Variants in PLPPR1 observed in about 807,000 individuals in gnomAD.
The protein encoded by PLPPR1 is phospholipid phosphatase-related protein type 1.
A neutral mutation model predicts 33.1 loss-of-function variants in PLPPR1; 10 were observed. That is an observed-to-expected ratio of 0.30 (90% CI 0.19 to 0.51). PLPPR1 has a LOEUF of 0.51. Ranked by LOEUF, PLPPR1 falls within the 20% of genes least tolerant of loss-of-function variation. The probability of loss-of-function intolerance (pLI) is 0.97; values close to 1 mark genes in which losing one functional copy is unlikely to be tolerated. For synonymous variants in PLPPR1, 151 were observed against 151.0 expected, an observed-to-expected ratio of 1.00 and a Z score of 0.00; for missense variants, 304 against 408.1, an observed-to-expected ratio of 0.74 and a Z score of 2.20.
At chr9:101,228,936 C>A (rs975950291) in intron 2 of PLPPR1, among the ~76,000 whole-genome samples, 1 of 82,930 alleles carries the variant, frequency 1.2e-5, no homozygotes, top group Admixed American at 1.2e-4. Context: ...TCCCCCCTCC[C>A]ACCCACCCTC....
chr9:101,057,400 G>A (rs79146880), intron 1 of PLPPR1, among the ~76,000 whole-genome samples: 1 of 152,022 alleles, frequency 6.6e-6, no homozygotes, highest in South Asian at 2.1e-4. Context: ...CAGAAAAGTG[G>A]ATTATTTCTC....
chr9:101,063,331 T>G (rs1033398240), intron 1 of PLPPR1, among the ~76,000 whole-genome samples: 1 of 152,044 alleles, frequency 6.6e-6, no homozygotes, highest in African/African-American at 2.4e-5. Context: ...CATCCTCACA[T>G]GTAGTTTCAC....
chr9:101,311,119 GCTGTGTGAAA>G (rs1421347425), intron 5 of PLPPR1, among the ~76,000 whole-genome samples: 1 of 152,084 alleles, frequency 6.6e-6, no homozygotes, highest in African/African-American at 2.4e-5. Context: ...TCAAGTCATT[GCTGTGTGAAA>G]TTAATTTTTA....
chr9:101,149,340 A>G (rs2118646827), intron 1 of PLPPR1, among the ~76,000 whole-genome samples: 1 of 152,320 alleles, frequency 6.6e-6, no homozygotes, highest in East Asian at 1.9e-4. Flanking sequence ...TCAGTCTTTA[A>G]AAATCCCTAA....
At chr9:101,312,751 G>C in intron 5 of PLPPR1, 47 bp from the exon 6 acceptor site, 1 of 1,552,520 alleles carries the variant, frequency 6.4e-7, no homozygotes, top group South Asian at 1.1e-5. Context: ...TGTACTCATA[G>C]CACAAGGCAG....
chr9:101,048,023 C>T (rs1830174838), intron 1 of PLPPR1, among the ~76,000 whole-genome samples: 1 of 152,130 alleles, frequency 6.6e-6, no homozygotes, highest in Admixed American at 6.5e-5. Context: ...GGACCCCAGC[C>T]TAGTATATAG....
intron 4 of PLPPR1, among the ~76,000 whole-genome samples, chr9:101,290,827 G>A (rs1284360547): frequency 1.3e-5 from 2 of 152,220 alleles, no homozygotes; most frequent in African/African-American, 2.4e-5. Context: ...AATAGGAACA[G>A]CTCCAGTCTA....
At chr9:101,254,168 T>C (rs1414123921) in intron 2 of PLPPR1, among the ~76,000 whole-genome samples, 1 of 151,574 alleles carries the variant, frequency 6.6e-6, no homozygotes, top group Non-Finnish European at 1.5e-5. Flanking sequence ...TTTATTTCTA[T>C]TATTATTAAA....
At chr9:101,228,053 A>G (rs1827107353) in intron 2 of PLPPR1, among the ~76,000 whole-genome samples, 1 of 152,226 alleles carries the variant, frequency 6.6e-6, no homozygotes, top group Admixed American at 6.5e-5. Context: ...TGCTGGGATT[A>G]CAGACACAAA....
At chr9:101,290,931 G>A (rs1564028256) in intron 4 of PLPPR1, among the ~76,000 whole-genome samples, 1 of 152,234 alleles carries the variant, frequency 6.6e-6, no homozygotes, top group Non-Finnish European at 1.5e-5. Flanking sequence ...CAGACAGTGG[G>A]CGCAGGACAG....
chr9:101,268,758 T>C (rs1009853837), intron 2 of PLPPR1, among the ~76,000 whole-genome samples: 2 of 152,222 alleles, frequency 1.3e-5, no homozygotes, highest in African/African-American at 4.8e-5. Context: ...GCCATAGATA[T>C]CTAAAGATGT....
chr9:101,177,808 T>G (rs1214948714), intron 1 of PLPPR1, among the ~76,000 whole-genome samples: 3 of 152,246 alleles, frequency 2.0e-5, no homozygotes, highest in African/African-American at 7.2e-5. Context: ...TATTAAGTTG[T>G]TAGTCTTTTC....
intron 2 of PLPPR1, among the ~76,000 whole-genome samples, chr9:101,224,160 T>C (rs896881809): frequency 3.0e-4 from 46 of 152,060 alleles, no homozygotes; most frequent in Admixed American, 5.9e-4. Context: ...CAATTGGCAA[T>C]GTAAGAAGCT....
chr9:101,090,867 TTC>T (rs1449592335), intron 1 of PLPPR1, among the ~76,000 whole-genome samples: 30 of 152,148 alleles, frequency 2.0e-4, no homozygotes, highest in Non-Finnish European at 3.5e-4. Context: ...CCTTTTCAAC[TTC>T]ATGTGCTTCT....
intron 2 of PLPPR1, among the ~76,000 whole-genome samples, chr9:101,252,223 A>C (rs1205915651): frequency 6.6e-6 from 1 of 152,178 alleles, no homozygotes; most frequent in East Asian, 1.9e-4. Flanking sequence ...AGAGCCACCT[A>C]TAGCTAGTGC....
At chr9:101,169,561 C>T (rs1564164413) in intron 1 of PLPPR1, among the ~76,000 whole-genome samples, 1 of 152,062 alleles carries the variant, frequency 6.6e-6, no homozygotes, top group Non-Finnish European at 1.5e-5. Context: ...TTCAGGTCAC[C>T]TGCTGAGTTT....
rs181684653 is a variant in PLPPR1 at position 101,150,299 on chromosome 9, A to T, written c.-45-35151A>T. ...TTTTCTGTTAAATGATCTTAATCCA[A>T]TTTTTCTTCTTTTCTTCTTTATTGG... On this transcript the variant is annotated intron_variant, in intron 1 of 7. Transcript: ENST00000374874. 1.6e-3 allele frequency among the ~76,000 whole-genome samples: 241 copies of T among 151,868 alleles called. 5 individuals are homozygous for T. The East Asian group carries it at 0.041, about 26-fold the overall frequency.
chr9:101,161,221 A>G (rs57733918), intron 1 of PLPPR1, among the ~76,000 whole-genome samples: 353 of 152,256 alleles, frequency 2.3e-3, no homozygotes, highest in African/African-American at 8.1e-3. Context: ...GGCTCAATAT[A>G]TAGTAGTTAT....
chr9:101,161,450 A>G (rs1030813050), intron 1 of PLPPR1, among the ~76,000 whole-genome samples: 2 of 152,152 alleles, frequency 1.3e-5, no homozygotes, highest in Non-Finnish European at 2.9e-5. Flanking sequence ...GTCTCCACAT[A>G]CTTGAAAACC....
Sources: gnomAD v4.1 joint callset for allele counts (sites outside exome capture counted in the v4.1 genomes callset) on GRCh38, gnomAD v4.1.1 for gene constraint, MANE v1.5 for transcripts, NCBI Gene and HGNC (gene_info 2026-07-23, HGNC 2026-07-21) for gene names.